Variants in SLC4A5 observed in about 807,000 individuals in gnomAD.
SLC4A5 encodes electrogenic sodium bicarbonate cotransporter 4.
SLC4A5 carries 96 observed loss-of-function variants against 120.4 expected under a neutral mutation model. That is an observed-to-expected ratio of 0.80 (90% CI 0.68 to 0.94). The LOEUF is 0.94. SLC4A5 is among the 40% of genes least tolerant of loss of function. The pLI is 0.00. For synonymous variants in SLC4A5, 550 were observed against 571.1 expected (o/e 0.96, Z 0.53); for missense variants, 1,259 against 1,459.5 (o/e 0.86, Z 2.24).
At chr2:74,299,737 T>A (rs1044486195) in intron 7 of SLC4A5, among the ~76,000 whole-genome samples, 8 of 152,072 alleles carry the variant, frequency 5.3e-5, no homozygotes, top group Non-Finnish European at 4.4e-5. Context: ...GGCAAGAAAG[T>A]GGAGAAAAGG....
intron 2 of SLC4A5, among the ~76,000 whole-genome samples, chr2:74,340,850 C>G (rs1261611538): frequency 6.6e-6 from 1 of 152,084 alleles, no homozygotes; most frequent in African/African-American, 2.4e-5. Flanking sequence ...TTTAGCAGCA[C>G]CAGAAGAGGC....
intron 19 of SLC4A5, among the ~76,000 whole-genome samples, chr2:74,244,108 C>A (rs116086609): frequency 2.6e-5 from 4 of 152,338 alleles, no homozygotes; most frequent in East Asian, 1.9e-4. Context: ...AGTTCTCCCC[C>A]CTCATCCCAG....
At chr2:74,248,559 C>A (rs534993793) in intron 17 of SLC4A5, 73 bp from the exon 18 acceptor site, 6 of 1,565,282 alleles carry the variant, frequency 3.8e-6, no homozygotes, top group Middle Eastern at 1.8e-4. Context: ...GCAGCCCCAG[C>A]GATCTCTCCA....
chr2:74,314,914 G>A (rs766850113), intron 6 of SLC4A5, 31 bp downstream of exon 6: 9 of 1,591,646 alleles, frequency 5.7e-6, no homozygotes, highest in Non-Finnish European at 7.8e-6. Context: ...TGCCTCCTGA[G>A]ATTTGCATCA....
At chr2:74,229,106 T>TTTTTTTTTTTTC (rs1558867078) in intron 25 of SLC4A5, among the ~76,000 whole-genome samples, 2 of 139,376 alleles carry the variant, frequency 1.4e-5, no homozygotes. Flanking sequence ...GATTTGAGCT[T>TTTTTTTTTTTTC]TTTTTTTTTT....
rs540960391 is a variant in SLC4A5 at position 74,284,450 on chromosome 2, G to C, written c.401+1323C>G. On this transcript the variant is annotated intron_variant, in intron 8 of 30. Transcript: ENST00000394019. ...CCGCCTCGGCCTCCCAAAGTGCTGG[G>C]ATTACAGGCGTGAGCCACCGCGCCC... Among the ~76,000 whole-genome samples, 2 of 73,050 alleles carry C rather than the reference G, an allele frequency of 2.7e-5. 1 individual carries two copies. The highest frequency in any genetic ancestry group is 4.3e-5 in the Non-Finnish European group (2 of 46,042). 47.9% of individuals were successfully genotyped at this position (73,050 alleles called of 152,430 possible). A position where few individuals can be genotyped will look rare whatever the true frequency, so the allele number is the denominator to read the frequency against.
At chr2:74,326,489 C>T (rs1673219111) in intron 5 of SLC4A5, among the ~76,000 whole-genome samples, 1 of 152,182 alleles carries the variant, frequency 6.6e-6, no homozygotes, top group Admixed American at 6.5e-5. Context: ...CCTGAAATCA[C>T]ATCTGGGATC....
intron 8 of SLC4A5, among the ~76,000 whole-genome samples, chr2:74,275,100 G>C (rs571534625): frequency 2.0e-4 from 30 of 152,274 alleles, no homozygotes; most frequent in African/African-American, 6.0e-4. Context: ...GGCCTTTGGT[G>C]ATGCAGTACA....
chr2:74,337,572 A>G (rs1366275960), intron 3 of SLC4A5, among the ~76,000 whole-genome samples: 1 of 152,226 alleles, frequency 6.6e-6, no homozygotes, highest in African/African-American at 2.4e-5. Context: ...CTGGTATTCT[A>G]AAGGATAAAG....
Position 74,235,230 on chromosome 2 carries a change from G to C in SLC4A5, c.2320-16C>G. ...GGGCCCGGACCTGCAGACAGGAGATGAGCAAGTAAAAGAAGTGAGTAAAGC... is the reference window on the plus strand; with the variant it reads ...GGGCCCGGACCTGCAGACAGGAGATCAGCAAGTAAAAGAAGTGAGTAAAGC... On this transcript the variant is annotated splice_polypyrimidine_tract_variant and intron_variant, in intron 21 of 30. Coordinates refer to ENST00000394019, the Ensembl canonical transcript of SLC4A5. The C allele has an allele frequency of 6.2e-7, 1 of 1,605,350 alleles. No homozygotes were observed. Among genetic ancestry groups the C allele is most frequent in the Non-Finnish European group, 8.5e-7 (1 of 1,173,250 alleles).
In SLC4A5 at chr2:74,262,133, T is replaced by C; in HGVS notation, c.811+4A>G. 1.2e-6 allele frequency: 2 copies of C among 1,613,096 alleles called. No individual in the cohort carries two copies. Among genetic ancestry groups the C allele is most frequent in the Middle Eastern group, 1.7e-4 (1 of 6,032 alleles). Reference sequence around the variant, plus strand: ...TGCCACAGAGCGGCAGAGCACACACTCACACAGACGTCCGTAATTTGCACT... The same window carrying C: ...TGCCACAGAGCGGCAGAGCACACACCCACACAGACGTCCGTAATTTGCACT... On this transcript the variant is annotated splice_donor_region_variant and intron_variant, in intron 11 of 30. Coordinates refer to ENST00000394019, the Ensembl canonical transcript of SLC4A5.
intron 7 of SLC4A5, among the ~76,000 whole-genome samples, chr2:74,293,707 C>T (rs1672243953): frequency 6.6e-6 from 1 of 152,158 alleles, no homozygotes; most frequent in Non-Finnish European, 1.5e-5. Flanking sequence ...CTCCTTTGTT[C>T]TTGTAATATA....
chr2:74,271,507 A>G (rs2104086392), intron 8 of SLC4A5, among the ~76,000 whole-genome samples: 1 of 152,312 alleles, frequency 6.6e-6, no homozygotes, highest in South Asian at 2.1e-4. Flanking sequence ...AGAGCCTAAA[A>G]TAATTAATTA....
chr2:74,287,550 T>C (rs915074474), intron 7 of SLC4A5, among the ~76,000 whole-genome samples: 3 of 152,144 alleles, frequency 2.0e-5, no homozygotes, highest in South Asian at 2.1e-4. Context: ...TCCAGGCCCA[T>C]GAGCCCCACT....
rs186845209 is a variant in SLC4A5 at position 74,338,187 on chromosome 2, A to G, written c.-221+668T>C. Among the ~76,000 whole-genome samples, 29 of 152,288 alleles carry G rather than the reference A, an allele frequency of 1.9e-4. No homozygotes were observed. The East Asian group carries it at 5.6e-3, about 29-fold the overall frequency. On this transcript the variant is annotated intron_variant, in intron 3 of 30. Transcript: ENST00000394019. ...TGTGGCCCAGGTTTTGACCATAGGC[A>G]TAGGAGGGAGAAATGGAGGCAAATG...
intron 5 of SLC4A5, 21 bp from the exon 6 acceptor site, chr2:74,315,046 A>G: frequency 6.3e-7 from 1 of 1,595,862 alleles, no homozygotes; most frequent in Non-Finnish European, 8.6e-7. Context: ...AAAGGAACAC[A>G]GCCTCAAAAT....
At chr2:74,303,866 T>C (rs1672551773) in intron 7 of SLC4A5, among the ~76,000 whole-genome samples, 1 of 151,518 alleles carries the variant, frequency 6.6e-6, no homozygotes, top group African/African-American at 2.4e-5. Context: ...TTTTTTTTTT[T>C]TGAGACGGAG....
At chr2:74,240,272 C>T (rs1670397387) in intron 20 of SLC4A5, among the ~76,000 whole-genome samples, 1 of 152,084 alleles carries the variant, frequency 6.6e-6, no homozygotes, top group South Asian at 2.1e-4. Context: ...GACCAGATCG[C>T]ATTCTACTTC....
At chr2:74,220,142 C>G (rs1322971142) in intron 30 of SLC4A5, among the ~76,000 whole-genome samples, 1 of 152,230 alleles carries the variant, frequency 6.6e-6, no homozygotes, top group African/African-American at 2.4e-5. Flanking sequence ...GGCATCTTCC[C>G]AAGTAACAAT....
Sources: gnomAD v4.1 joint callset for allele counts (sites outside exome capture counted in the v4.1 genomes callset) on GRCh38, gnomAD v4.1.1 for gene constraint, MANE v1.5 for transcripts, NCBI Gene and HGNC (gene_info 2026-07-23, HGNC 2026-07-21) for gene names.